The following UGT1A8 variants were observed in gnomAD, a reference collection of about 807,000 sequenced individuals.
UGT1A8 encodes UDP-glucuronosyltransferase 1A8.
In UGT1A8, 39 loss-of-function variants were observed where a neutral mutation model predicts 45.3. The ratio of observed to expected loss-of-function variants is 0.86; its 90% CI spans 0.67 to 1.12. The LOEUF (loss-of-function observed/expected upper bound fraction) is 1.12, where lower values mean the gene tolerates loss of function less well. UGT1A8 is among the 50% of genes most tolerant of loss of function. UGT1A8 has a pLI of 0.00. For synonymous variants in UGT1A8, 275 were observed against 249.2 expected (o/e 1.10, Z -0.97); for missense variants, 719 against 664.9 (o/e 1.08, Z -0.90).
At chr2:233,768,519 GC>G (rs1699633874) in intron 4 of UGT1A8, 80 bp downstream of exon 4, 1 of 1,531,284 alleles carries the variant, frequency 6.5e-7, no homozygotes, top group East Asian at 2.5e-5. Flanking sequence ...CATTTACGTA[GC>G]ATTTAATAGC....
chr2:233,724,221 C>T lies in UGT1A8; in HGVS notation c.856-42813C>T, dbSNP rs1235713996. ...GGCCGGGCTGAGGGGCTCCTCACTT[C>T]CCAGTAGGGGCGGCCGGGCAGAGGC... On this transcript the variant is annotated intron_variant, in intron 1 of 4. Coordinates refer to ENST00000373450, the MANE Select transcript of UGT1A8 (RefSeq NM_019076.5). Among the ~76,000 whole-genome samples the T allele has an allele frequency of 3.1e-5, 4 of 130,194 alleles. No individual in the cohort carries two copies. In the East Asian group the frequency reaches 9.2e-4, roughly 30 times the overall value. 85.4% of individuals were successfully genotyped at this position (130,194 alleles called of 152,430 possible). A position where few individuals can be genotyped will look rare whatever the true frequency, so the allele number is the denominator to read the frequency against.
intron 1 of UGT1A8, among the ~76,000 whole-genome samples, chr2:233,633,156 A>T (rs1271354634): frequency 6.6e-6 from 1 of 152,170 alleles, no homozygotes; most frequent in African/African-American, 2.4e-5. Flanking sequence ...CCCAGGGATG[A>T]AGCCGACTTG....
At chr2:233,704,135 C>T (rs2075769183) in intron 1 of UGT1A8, among the ~76,000 whole-genome samples, 1 of 152,108 alleles carries the variant, frequency 6.6e-6, no homozygotes, top group Non-Finnish European at 1.5e-5. Flanking sequence ...AAGTGATCCA[C>T]CCGCCTCAGC....
chr2:233,623,998 A>G (rs2073055084), intron 1 of UGT1A8, among the ~76,000 whole-genome samples: 1 of 152,174 alleles, frequency 6.6e-6, no homozygotes, highest in Non-Finnish European at 1.5e-5. Flanking sequence ...ACTTTATTTT[A>G]GAATAAATAG....
intron 1 of UGT1A8, chr2:233,743,933 G>T (rs1319527828): frequency 7.4e-7 from 1 of 1,357,046 alleles, no homozygotes; most frequent in African/African-American, 1.5e-5. Context: ...TGGCCAGAAC[G>T]GCCCACCAGG....
chr2:233,732,435 G>T (rs1198831061), intron 1 of UGT1A8, among the ~76,000 whole-genome samples: 2 of 152,234 alleles, frequency 1.3e-5, no homozygotes, highest in Admixed American at 6.5e-5. Flanking sequence ...GGATTTTTAT[G>T]GTTTTAGGTC....
At chr2:233,663,405 T>C (rs1056177938) in intron 1 of UGT1A8, among the ~76,000 whole-genome samples, 1 of 152,130 alleles carries the variant, frequency 6.6e-6, no homozygotes, top group Non-Finnish European at 1.5e-5. Context: ...TCTTAGGCAG[T>C]TGAAGCTGTC....
At chr2:233,670,363 A>G (rs546878869) in intron 1 of UGT1A8, among the ~76,000 whole-genome samples, 1 of 152,330 alleles carries the variant, frequency 6.6e-6, no homozygotes, top group Non-Finnish European at 1.5e-5. Flanking sequence ...TTACATCATA[A>G]TTATTATTTG....
chr2:233,628,834 T>G (rs2073137253), intron 1 of UGT1A8, among the ~76,000 whole-genome samples: 1 of 152,162 alleles, frequency 6.6e-6, no homozygotes, highest in African/African-American at 2.4e-5. Context: ...CGATTTTGGA[T>G]TTTTGTCAAA....
At chr2:233,659,650 C>T (rs2073926851) in intron 1 of UGT1A8, among the ~76,000 whole-genome samples, 2 of 152,096 alleles carry the variant, frequency 1.3e-5, no homozygotes, top group South Asian at 4.2e-4. Flanking sequence ...GCAGGAGAGG[C>T]AGGCGCACTC....
chr2:233,733,096 G>A (rs2078355938), intron 1 of UGT1A8, among the ~76,000 whole-genome samples: 1 of 152,018 alleles, frequency 6.6e-6, no homozygotes, highest in Non-Finnish European at 1.5e-5. Flanking sequence ...TTCACTCATG[G>A]TTTGGCTCTG....
At chr2:233,716,780 C>T (rs1189909178) in intron 1 of UGT1A8, among the ~76,000 whole-genome samples, 2 of 152,264 alleles carry the variant, frequency 1.3e-5, no homozygotes, top group Non-Finnish European at 2.9e-5. Context: ...GTCAGGCTTT[C>T]GGGATGCCTT....
chr2:233,627,660 C>CCTTCCTTCCTTCCTTT (rs2073111867), intron 1 of UGT1A8, among the ~76,000 whole-genome samples: 1 of 149,756 alleles, frequency 6.7e-6, no homozygotes, highest in Non-Finnish European at 1.5e-5. Flanking sequence ...TTCCTTCCTT[C>CCTTCCTTCCTTCCTTT]CTTCCTTCCT....
Position 233,769,795 on chromosome 2 carries a change from C to A in UGT1A8, c.1295+1356C>A. 1 of 1,235,564 alleles carries A rather than the reference C, an allele frequency of 8.1e-7. No homozygotes were observed. The highest frequency in any genetic ancestry group is 1.1e-6 in the Non-Finnish European group (1 of 932,226). 76.5% of individuals were successfully genotyped at this position (1,235,564 alleles called of 1,614,324 possible). On this transcript the variant is annotated intron_variant, in intron 4 of 4. Coordinates refer to ENST00000373450, the MANE Select transcript of UGT1A8 (RefSeq NM_019076.5). This position sits in a 1 kb window ranked among gnomAD's most constrained non-coding sequence, Gnocchi z 4.4. ...GCTTGAGCCCAGAAGTTGGAGGCTG[C>A]TATGAGCCGTGATCATGCCACTGCA...
At chr2:233,631,876 T>C (rs573801725) in intron 1 of UGT1A8, among the ~76,000 whole-genome samples, 1 of 152,334 alleles carries the variant, frequency 6.6e-6, no homozygotes. Context: ...TGGTTGTCAT[T>C]GCTTTTGGTG....
chr2:233,729,571 G>GT (rs780418650), intron 1 of UGT1A8: 6 of 1,613,982 alleles, frequency 3.7e-6, no homozygotes, highest in Non-Finnish European at 4.2e-6. Flanking sequence ...CTTTGATGTG[G>GT]TTTTAACAGA....
chr2:233,746,906 T>C (rs1380473357), intron 1 of UGT1A8, among the ~76,000 whole-genome samples: 1 of 151,690 alleles, frequency 6.6e-6, no homozygotes, highest in Admixed American at 6.5e-5. Context: ...TGACATGAAA[T>C]GGGTTTCCAC....
chr2:233,747,235 C>T, intron 1 of UGT1A8: 2 of 1,604,608 alleles, frequency 1.2e-6, no homozygotes, highest in Non-Finnish European at 1.7e-6. Flanking sequence ...ACCCCAGGTT[C>T]CCCTGCTGTG....
chr2:233,734,461 C>T (rs1187494686), intron 1 of UGT1A8, among the ~76,000 whole-genome samples: 1 of 145,226 alleles, frequency 6.9e-6, no homozygotes, highest in African/African-American at 2.7e-5. Flanking sequence ...TTTCAAAATC[C>T]ATCTCCTGGA....
Sources: allele counts gnomAD v4.1 joint callset (sites outside exome capture counted in the v4.1 genomes callset), GRCh38; gene constraint gnomAD v4.1.1; non-coding constraint Gnocchi (gnomAD v3.1); transcripts MANE v1.5; gene names NCBI Gene and HGNC (gene_info 2026-07-23, HGNC 2026-07-21).